Variants in CASZ1 observed in about 807,000 individuals in gnomAD.
CASZ1 encodes zinc finger protein castor homolog 1.
Under a neutral mutation model 135.2 loss-of-function variants are expected in CASZ1, and 28 were observed. The ratio of observed to expected loss-of-function variants is 0.21; its 90% CI spans 0.15 to 0.28. The LOEUF is 0.28. Among genes scored for constraint, CASZ1 ranks in the 10% least tolerant of loss-of-function variants. The pLI, the probability that CASZ1 is intolerant of heterozygous loss-of-function variation, is 1.00. For missense variants in CASZ1, 2,161 were observed against 2,453.3 expected, an observed-to-expected ratio of 0.88 and a Z score of 2.52; for synonymous variants, 1,068 against 1,073.4, an observed-to-expected ratio of 0.99 and a Z score of 0.10.
chr1:10,645,323 G>A (rs1235421493), intron 17 of CASZ1, among the ~76,000 whole-genome samples: 1 of 152,228 alleles, frequency 6.6e-6, no homozygotes, highest in Non-Finnish European at 1.5e-5. Context: ...GAGATCAGGA[G>A]ATCAAGACCA....
intron 20 of CASZ1, among the ~76,000 whole-genome samples, chr1:10,640,634 C>T (rs1026786076): frequency 3.3e-5 from 5 of 152,178 alleles, no homozygotes; most frequent in Admixed American, 6.5e-5. Flanking sequence ...GTCCTTGGTA[C>T]CAGAAGGTTC....
At position 10,654,417 on chromosome 1, in the gene CASZ1, A is replaced by G. The variant is rs756199307; in HGVS notation, c.1838+2T>C. 6.2e-7 allele frequency: 1 copy of G among 1,612,894 alleles called. No individual in the cohort carries two copies. Among genetic ancestry groups the G allele is most frequent in the Non-Finnish European group, 8.5e-7 (1 of 1,179,308 alleles). ...GAAGGCCCCCACCAGGCTCCCGCTTACCTGCAGTGGAAGTGCGTGGTCTTC... is the reference window on the plus strand; with the variant it reads ...GAAGGCCCCCACCAGGCTCCCGCTTGCCTGCAGTGGAAGTGCGTGGTCTTC... On this transcript the variant is annotated splice_donor_variant, in intron 10 of 20. Transcript: ENST00000377022. LOFTEE classifies it high-confidence loss of function.
chr1:10,664,808 ATCCC>A (rs946999765), intron 5 of CASZ1, among the ~76,000 whole-genome samples: 8 of 150,140 alleles, frequency 5.3e-5, no homozygotes, highest in Middle Eastern at 3.4e-3. Flanking sequence ...CCACCCGTCT[ATCCC>A]TCCCTCCCTC....
chr1:10,767,712 C>T lies in CASZ1; in HGVS notation c.-233-6855G>A, dbSNP rs1013298926. The stretch of plus-strand genomic sequence containing the variant: ...ATCGCAGAAGATAATCGATAGAGCC[C>T]GTAATGAAAATCTGAGCCATATTTT... On this transcript the variant is annotated intron_variant, in intron 1 of 20. Transcript: ENST00000377022. The surrounding 1 kb of genome is among the most constrained non-coding windows in gnomAD (Gnocchi z 4.2). Among the ~76,000 whole-genome samples, 8 of 152,220 alleles carry T rather than the reference C, an allele frequency of 5.3e-5. No individual in the cohort carries two copies. The highest frequency in any genetic ancestry group is 4.2e-4 in the South Asian group (2 of 4,816).
intron 1 of CASZ1, among the ~76,000 whole-genome samples, chr1:10,768,610 C>T (rs879880601): frequency 5.9e-5 from 9 of 152,192 alleles, no homozygotes; most frequent in South Asian, 2.1e-4. Flanking sequence ...TCCTGGGGGA[C>T]GGGCACCAGA....
rs1306656350 is a variant in CASZ1, at chr1:10,711,685, A to G, written c.-76-6141T>C. On this transcript the variant is annotated intron_variant, in intron 2 of 20. Coordinates refer to ENST00000377022, the MANE Select transcript of CASZ1 (RefSeq NM_001079843.3). The surrounding 1 kb of genome is among the most constrained non-coding windows in gnomAD (Gnocchi z 4.4). ...GATGGTAGATACAATTCAAGTGTCC[A>G]TGGACTGAGAAATGGACATACAACA... Among the ~76,000 whole-genome samples, 2 of 152,200 alleles carry G rather than the reference A, an allele frequency of 1.3e-5. No homozygotes were observed. The highest frequency in any genetic ancestry group is 2.9e-5 in the Non-Finnish European group (2 of 68,042).
chr1:10,763,385 G>T (rs550181911), intron 1 of CASZ1, among the ~76,000 whole-genome samples: 2 of 152,138 alleles, frequency 1.3e-5, no homozygotes, highest in African/African-American at 4.8e-5. Context: ...ATCTCCCTAG[G>T]TTCCGTCCCC....
intron 2 of CASZ1, among the ~76,000 whole-genome samples, chr1:10,752,753 C>T (rs549589820): frequency 8.5e-5 from 13 of 152,300 alleles, no homozygotes; most frequent in African/African-American, 2.6e-4. Flanking sequence ...ACAATGAATA[C>T]GGCCAGGTGC....
intron 4 of CASZ1, among the ~76,000 whole-genome samples, chr1:10,693,536 G>C (rs909050612): frequency 9.1e-6 from 1 of 109,448 alleles, no homozygotes; most frequent in Non-Finnish European, 1.9e-5. Context: ...CACACACACA[G>C]AAAAAAAACA....
Position 10,665,144 on chromosome 1 carries a change from C to T in CASZ1, c.444G>A (p.Glu148=). ...EPSKDGGALE[E]KDSDGAASKE... ...TGGAGGCTGCCCCGTCCGAATCCTT[C>T]TCCTCCAGGGCACCGCCGTCCTTGG... The change falls in exon 5 of 21, where the codon GAG becomes GAA. Residue 148 remains glutamate, a synonymous_variant. Coordinates refer to ENST00000377022, the MANE Select transcript of CASZ1 (RefSeq NM_001079843.3). The T allele has an allele frequency of 6.5e-7, 1 of 1,533,046 alleles. No homozygotes were observed. Among genetic ancestry groups the T allele is most frequent in the Non-Finnish European group, 8.8e-7 (1 of 1,138,106 alleles). 95.0% of individuals were successfully genotyped at this position (1,533,046 alleles called of 1,614,324 possible).
At chr1:10,729,815 TA>T (rs1044754556) in intron 2 of CASZ1, among the ~76,000 whole-genome samples, 2 of 148,144 alleles carry the variant, frequency 1.4e-5, no homozygotes, top group African/African-American at 5.2e-5. Flanking sequence ...CACTTTATTT[TA>T]TTTTTTTTTT....
chr1:10,777,065 T>G lies in CASZ1; in HGVS notation c.-233-16208A>C, dbSNP rs1640675136. On this transcript the variant is annotated intron_variant, in intron 1 of 20. Transcript: ENST00000377022. The surrounding 1 kb of genome is among the most constrained non-coding windows in gnomAD (Gnocchi z 4.4). ...AATGGCTCAAATACTGGGTCCTAGT[T>G]CCAGATCTGTCACTGACTAGCTGTA... 6.6e-6 allele frequency among the ~76,000 whole-genome samples: 1 copy of G among 152,126 alleles called. No homozygotes were observed. Among genetic ancestry groups the G allele is most frequent in the Non-Finnish European group, 1.5e-5 (1 of 68,000 alleles).
rs1489569331 is a variant in CASZ1, at chr1:10,701,885, A to G, written c.-24+3607T>C. Among the ~76,000 whole-genome samples, 1 of 152,098 alleles carries G rather than the reference A, an allele frequency of 6.6e-6. No homozygotes were observed. Among genetic ancestry groups the G allele is most frequent in the Non-Finnish European group, 1.5e-5 (1 of 68,014 alleles). Reference sequence around the variant, plus strand: ...GGGAGCCCATTCCTGCCAGCCTGACAAGCCAGGCCTCAGTTTCTCCACCTC... The same window carrying G: ...GGGAGCCCATTCCTGCCAGCCTGACGAGCCAGGCCTCAGTTTCTCCACCTC... On this transcript the variant is annotated intron_variant, in intron 3 of 20. Transcript: ENST00000377022. This position sits in a 1 kb window ranked among gnomAD's most constrained non-coding sequence, Gnocchi z 6.3.
intron 2 of CASZ1, among the ~76,000 whole-genome samples, chr1:10,743,384 CATCGGTTCA>C (rs1224494707): frequency 6.8e-6 from 1 of 146,906 alleles, no homozygotes; most frequent in African/African-American, 2.4e-5. Flanking sequence ...CACTCAGACC[CATCGGTTCA>C]TGGGGAGAAA....
rs143332285 is a variant in CASZ1 at position 10,653,967 on chromosome 1, A to G, written c.2090T>C (p.Ile697Thr). The change falls in exon 11 of 21, where the codon ATC becomes ACC. Residue 697 changes from isoleucine to threonine, a missense_variant. Coordinates refer to ENST00000377022, the MANE Select transcript of CASZ1 (RefSeq NM_001079843.3). ...CAGCCCCAGCGCGCCCGAGGAGCGG[A>G]TGTGCCGGCGCTCATGCTTGCGCTT... Reference protein sequence around the residue: ...SHKRKHERRHIRSSGALGLPP... With the variant: ...SHKRKHERRHTRSSGALGLPP... The G allele has an allele frequency of 1.4e-5, 23 of 1,613,866 alleles. No homozygotes were observed. In the African/African-American group the frequency reaches 2.7e-4, roughly 19 times the overall value.
chr1:10,668,650 G>A (rs1643311497), intron 4 of CASZ1, among the ~76,000 whole-genome samples: 1 of 152,266 alleles, frequency 6.6e-6, no homozygotes, highest in Non-Finnish European at 1.5e-5. Context: ...GGGCTCTGGC[G>A]CAGCACCAGG....
intron 4 of CASZ1, among the ~76,000 whole-genome samples, chr1:10,671,498 C>T (rs563582831): frequency 6.6e-6 from 1 of 152,316 alleles, no homozygotes; most frequent in Non-Finnish European, 1.5e-5. Flanking sequence ...GCCTAGGACC[C>T]CCAGGGCTGG....
rs1403656918 is a variant in CASZ1 at position 10,725,827 on chromosome 1, T to G, written c.-76-20283A>C. 6.6e-6 allele frequency among the ~76,000 whole-genome samples: 1 copy of G among 151,276 alleles called. No individual in the cohort carries two copies. Among genetic ancestry groups the G allele is most frequent in the Non-Finnish European group, 1.5e-5 (1 of 67,782 alleles). On this transcript the variant is annotated intron_variant, in intron 2 of 20. Coordinates refer to ENST00000377022, the MANE Select transcript of CASZ1 (RefSeq NM_001079843.3). This position sits in a 1 kb window ranked among gnomAD's most constrained non-coding sequence, Gnocchi z 4.4. ...TGGGGAGGGAATGGCAAGGGGGGCC[T>G]GAAGACAGCAGGGCAGGTGTAAGAG...
At chr1:10,722,857 C>T (rs563426808) in intron 2 of CASZ1, among the ~76,000 whole-genome samples, 2 of 152,356 alleles carry the variant, frequency 1.3e-5, no homozygotes, top group Admixed American at 6.5e-5. Context: ...ACTCTCCCCC[C>T]CAAAAAGGCC....
Sources: gnomAD v4.1 joint callset for allele counts (sites outside exome capture counted in the v4.1 genomes callset) on GRCh38, gnomAD v4.1.1 for gene constraint, Gnocchi (gnomAD v3.1) non-coding constraint, MANE v1.5 for transcripts, NCBI Gene and HGNC (gene_info 2026-07-23, HGNC 2026-07-21) for gene names.